HSF5: variants seen among roughly 807,000 people sequenced by gnomAD.
The protein encoded by HSF5 is heat shock transcription factor 5.
Under a neutral mutation model 50.8 loss-of-function variants are expected in HSF5, and 5 were observed. That is an observed-to-expected ratio of 0.10 (90% CI 0.05 to 0.21). The LOEUF (loss-of-function observed/expected upper bound fraction) is 0.21, where lower values mean the gene tolerates loss of function less well. Ranked by LOEUF, HSF5 falls within the 10% of genes least tolerant of loss-of-function variation. The pLI is 1.00. For synonymous variants in HSF5, 307 were observed against 307.4 expected, an observed-to-expected ratio of 1.00 and a Z score of 0.02; for missense variants, 564 against 762.6, an observed-to-expected ratio of 0.74 and a Z score of 3.07.
Position 58,480,284 on chromosome 17 carries a change from G to C in HSF5, c.551-17C>G. The C allele has an allele frequency of 6.4e-7, 1 of 1,574,560 alleles. No homozygotes were observed. Among genetic ancestry groups the C allele is most frequent in the Non-Finnish European group, 8.6e-7 (1 of 1,161,044 alleles). Reference sequence around the variant, plus strand: ...CCACTGGTCCTACATAAAAGAGGAAGAGCACATTTACTAATTTTGCATTAC... The same window carrying C: ...CCACTGGTCCTACATAAAAGAGGAACAGCACATTTACTAATTTTGCATTAC... On this transcript the variant is annotated splice_polypyrimidine_tract_variant and intron_variant, in intron 1 of 5. Coordinates refer to ENST00000323777, the MANE Select transcript of HSF5 (RefSeq NM_001080439.3).
rs556887069 is a variant in HSF5 at position 58,446,536 on chromosome 17, G to A, written c.1720+12232C>T. On this transcript the variant is annotated intron_variant, in intron 5 of 5. Coordinates refer to ENST00000323777, the MANE Select transcript of HSF5 (RefSeq NM_001080439.3). ...TGATTCCATGCCAGTGCCCATGGAA[G>A]GGGCATTCAGATCTGCCCTGGGCCA... is the stretch of plus-strand genomic sequence containing the variant. Among the ~76,000 whole-genome samples the A allele has an allele frequency of 8.5e-5, 13 of 152,146 alleles. No individual in the cohort carries two copies. In the East Asian group the frequency reaches 2.3e-3, roughly 27 times the overall value.
At chr17:58,423,406 G>T (rs141714858) in intron 5 of HSF5, among the ~76,000 whole-genome samples, 16 of 150,702 alleles carry the variant, frequency 1.1e-4, no homozygotes, top group African/African-American at 3.6e-4. Flanking sequence ...AACACAGGCA[G>T]CAATAAAAGG....
chr17:58,438,744 T>C (rs764678027), intron 5 of HSF5, among the ~76,000 whole-genome samples: 2 of 152,024 alleles, frequency 1.3e-5, no homozygotes, highest in Non-Finnish European at 2.9e-5. Flanking sequence ...CTGCCTGTGG[T>C]TGACAACTTA....
At position 58,441,531 on chromosome 17, in the gene HSF5, A is replaced by T. The variant is rs554844913; in HGVS notation, c.1720+17237T>A. 3.3e-4 allele frequency among the ~76,000 whole-genome samples: 50 copies of T among 152,326 alleles called. 1 individual carries two copies. The South Asian group carries it at 0.01, about 32-fold the overall frequency. ...ATATAGATAAGAGTAGAAATCAATG[A>T]AATAGAAAACAGACAATGGAAAAAA... On this transcript the variant is annotated intron_variant, in intron 5 of 5. Coordinates refer to ENST00000323777, the MANE Select transcript of HSF5 (RefSeq NM_001080439.3).
intron 4 of HSF5, among the ~76,000 whole-genome samples, chr17:58,460,299 A>G (rs1208042744): frequency 3.3e-5 from 5 of 152,182 alleles, no homozygotes; most frequent in Admixed American, 3.3e-4. Flanking sequence ...AATTACAGGC[A>G]TAAGCTACTA....
intron 4 of HSF5, among the ~76,000 whole-genome samples, chr17:58,461,255 AACAAC>A: frequency 7.5e-5 from 9 of 120,548 alleles, no homozygotes; most frequent in Admixed American, 3.3e-4. Context: ...CAACAACAAC[AACAAC>A]AAACCATAAT....
At chr17:58,486,898 CTCTCT>C (rs1378819280) in intron 1 of HSF5, among the ~76,000 whole-genome samples, 1 of 136,298 alleles carries the variant, frequency 7.3e-6, no homozygotes, top group South Asian at 2.3e-4. Flanking sequence ...GTTCTAAGTT[CTCTCT>C]TTTTTTTTTT....
intron 5 of HSF5, among the ~76,000 whole-genome samples, chr17:58,425,750 T>C (rs1328205574): frequency 6.6e-6 from 1 of 152,142 alleles, no homozygotes; most frequent in Admixed American, 6.5e-5. Flanking sequence ...GTCAAGGTCA[T>C]GTAATTAATC....
chr17:58,453,551 T>C (rs898450869), intron 5 of HSF5, among the ~76,000 whole-genome samples: 1 of 151,558 alleles, frequency 6.6e-6, no homozygotes, highest in Non-Finnish European at 1.5e-5. Flanking sequence ...CTTAAGATCA[T>C]GCCATTGCAC....
At chr17:58,468,264 G>A (rs752143840) in intron 2 of HSF5, among the ~76,000 whole-genome samples, 8 of 152,214 alleles carry the variant, frequency 5.3e-5, no homozygotes, top group South Asian at 2.1e-4. Context: ...CAGGCTTGGC[G>A]GCACATGTTT....
chr17:58,470,210 T>C (rs1974924686), intron 2 of HSF5, among the ~76,000 whole-genome samples: 1 of 152,226 alleles, frequency 6.6e-6, no homozygotes, highest in African/African-American at 2.4e-5. Context: ...AAAAGGTATC[T>C]GTACACCCAT....
intron 1 of HSF5, among the ~76,000 whole-genome samples, chr17:58,484,588 C>G (rs1975143106): frequency 1.4e-5 from 2 of 142,282 alleles, no homozygotes; most frequent in Admixed American, 1.4e-4. Context: ...AGACATGCAA[C>G]CTGAAAAAAA....
intron 1 of HSF5, among the ~76,000 whole-genome samples, chr17:58,481,143 G>A (rs999680884): frequency 2.6e-5 from 4 of 152,136 alleles, no homozygotes; most frequent in African/African-American, 9.7e-5. Context: ...TGAAAAGTTT[G>A]ACTTAGTTTC....
Position 58,488,113 on chromosome 17 carries a change from G to A in HSF5, c.162C>T (p.Pro54=). Residue 54 remains proline, a synonymous_variant, in exon 1 of 6, where the codon CCC becomes CCT. Coordinates refer to ENST00000323777, the MANE Select transcript of HSF5 (RefSeq NM_001080439.3). This position sits in a 1 kb window ranked among gnomAD's most constrained non-coding sequence, Gnocchi z 4.1. ...PLFEAELLSP[P]GPGGGGGTAG... ...CAGTCCCGCCACCGCCCCCCGGCCC[G>A]GGCGGGCTGAGCAGCTCGGCCTCGA... 6.6e-7 allele frequency: 1 copy of A among 1,518,196 alleles called. No individual in the cohort carries two copies. Among genetic ancestry groups the A allele is most frequent in the Non-Finnish European group, 8.8e-7 (1 of 1,134,596 alleles). 94.0% of individuals were successfully genotyped at this position (1,518,196 alleles called of 1,614,324 possible).
chr17:58,462,001 A>ACTAAGTAAT (rs1974801725), intron 4 of HSF5, among the ~76,000 whole-genome samples: 1 of 152,146 alleles, frequency 6.6e-6, no homozygotes, highest in Non-Finnish European at 1.5e-5. Context: ...CAGTGTACCC[A>ACTAAGTAAT]CTAAGTAATT....
chr17:58,488,262 G>C lies in HSF5; in HGVS notation c.13C>G (p.Leu5Val). The C allele has an allele frequency of 1.4e-6, 2 of 1,481,078 alleles. No homozygotes were observed. Among genetic ancestry groups the C allele is most frequent in the Non-Finnish European group, 1.8e-6 (2 of 1,129,662 alleles). The allele number at this position is 1,481,078 out of a possible 1,614,324, so 91.7% of individuals were successfully genotyped here. A position where few individuals can be genotyped will look rare whatever the true frequency, so the allele number is the denominator to read the frequency against. The stretch of plus-strand genomic sequence containing the variant: ...TTGTTGGGGTTGATGGGGGTGGAGA[G>C]CAGCGCCTCCATCGCCCCGCCGGGC... MEALLSTPINPNNFP... is the reference protein window; with the variant it reads MEALVSTPINPNNFP... Residue 5 changes from leucine (L) to valine (V), a missense_variant, in exon 1 of 6, where the codon CTC (leucine) becomes GTC (valine). Around this residue, in one of 5 missense-constraint regions of HSF5, gnomAD observed 72 missense variants for 110.9 expected, o/e 0.65. Transcript: ENST00000323777. This position sits in a 1 kb window ranked among gnomAD's most constrained non-coding sequence, Gnocchi z 4.1.
At chr17:58,469,514 A>G (rs1210022774) in intron 2 of HSF5, among the ~76,000 whole-genome samples, 2 of 152,222 alleles carry the variant, frequency 1.3e-5, no homozygotes, top group African/African-American at 2.4e-5. Context: ...TTATACTCCA[A>G]AAAGATTCCT....
chr17:58,422,195 A>G lies in HSF5; in HGVS notation c.*165T>C, dbSNP rs1222868763. 3 of 590,792 alleles carry G rather than the reference A, an allele frequency of 5.1e-6. No homozygotes were observed. The highest frequency in any genetic ancestry group is 9.0e-6 in the Non-Finnish European group (3 of 332,216). 36.6% of individuals were successfully genotyped at this position (590,792 alleles called of 1,614,324 possible). On this transcript the variant is annotated 3_prime_UTR_variant, in exon 6 of 6. Coordinates refer to ENST00000323777, the MANE Select transcript of HSF5 (RefSeq NM_001080439.3). ...ATAATCTGAACTGAACCACTGTAGT[A>G]CATACAAATTCCCAATTCTCAATTA... is the stretch of plus-strand genomic sequence containing the variant.
intron 1 of HSF5, among the ~76,000 whole-genome samples, chr17:58,481,347 T>C (rs1048353376): frequency 1.3e-5 from 2 of 152,038 alleles, no homozygotes; most frequent in African/African-American, 4.8e-5. Flanking sequence ...ATTAGCAATG[T>C]AAAAAGGAAT....
Sources: gnomAD v4.1 joint callset for allele counts (sites outside exome capture counted in the v4.1 genomes callset) on GRCh38, gnomAD v4.1.1 for gene constraint, gnomAD v4.1.1 regional missense constraint, Gnocchi (gnomAD v3.1) non-coding constraint, MANE v1.5 for transcripts, NCBI Gene and HGNC (gene_info 2026-07-23, HGNC 2026-07-21) for gene names.